The following GABRB1 variants were observed in gnomAD, a reference collection of about 807,000 sequenced individuals.
GABRB1 encodes gamma-aminobutyric acid type A receptor subunit beta1.
GABRB1 carries 17 observed loss-of-function variants against 51.6 expected under a neutral mutation model. The observed-to-expected ratio is 0.33, with a 90% CI of 0.23 to 0.49. GABRB1 has a LOEUF of 0.49. Among genes scored for constraint, GABRB1 ranks in the 20% least tolerant of loss-of-function variants. The pLI is 0.99. For missense variants in GABRB1, 410 were observed against 600.6 expected, an observed-to-expected ratio of 0.68 and a Z score of 3.32; for synonymous variants, 247 against 218.9, an observed-to-expected ratio of 1.13 and a Z score of -1.14.
chr4:47,260,527 GA>G (rs1050699984), intron 4 of GABRB1, among the ~76,000 whole-genome samples: 8 of 152,130 alleles, frequency 5.3e-5, no homozygotes, highest in African/African-American at 1.9e-4. Flanking sequence ...GCCTGGTGGT[GA>G]CAAAATCTCT....
At chr4:47,398,741 C>T (rs1012899426) in intron 5 of GABRB1, among the ~76,000 whole-genome samples, 6 of 152,020 alleles carry the variant, frequency 3.9e-5, no homozygotes, top group African/African-American at 1.5e-4. Context: ...CCCGCCACCA[C>T]GCCCGGCTAA....
At chr4:47,139,368 C>A (rs1279488619) in intron 3 of GABRB1, among the ~76,000 whole-genome samples, 2 of 152,062 alleles carry the variant, frequency 1.3e-5, no homozygotes, top group African/African-American at 2.4e-5. Flanking sequence ...TTTTAACTCA[C>A]CAGCAACTTG....
chr4:47,053,538 A>G (rs878953081), intron 3 of GABRB1, among the ~76,000 whole-genome samples: 1 of 152,216 alleles, frequency 6.6e-6, no homozygotes, highest in Non-Finnish European at 1.5e-5. Flanking sequence ...ATGCCATCAC[A>G]TTGAGGGTTA....
chr4:47,031,683 G>C lies in GABRB1; in HGVS notation c.32G>C (p.Gly11Ala). The change falls in exon 1 of 9, where the codon GGG (glycine) becomes GCG (alanine). Residue 11 changes from glycine (G) to alanine (A), a missense_variant. Transcript: ENST00000295454. ...ACAGTACAAAATCGAGAGAGTCTGG[G>C]GCTTCTCTCTTTCCCTGTGATGATT... The part of the protein sequence containing the change: MWTVQNRESL[G>A]LLSFPVMITM... 1 of 1,613,788 alleles carries C rather than the reference G, an allele frequency of 6.2e-7. No homozygotes were observed. The highest frequency in any genetic ancestry group is 8.5e-7 in the Non-Finnish European group (1 of 1,179,718).
intron 4 of GABRB1, among the ~76,000 whole-genome samples, chr4:47,312,849 C>T (rs966962880): frequency 5.3e-5 from 8 of 152,036 alleles, no homozygotes; most frequent in Non-Finnish European, 1.0e-4. Flanking sequence ...TATGTGTGCA[C>T]ACGTGTGTAT....
At chr4:47,397,012 G>A (rs1728199447) in intron 5 of GABRB1, among the ~76,000 whole-genome samples, 2 of 151,602 alleles carry the variant, frequency 1.3e-5, no homozygotes, top group African/African-American at 4.8e-5. Flanking sequence ...TGTCTTTTTT[G>A]TTGTTTGTAG....
At chr4:47,264,107 GCTC>G (rs988486675) in intron 4 of GABRB1, among the ~76,000 whole-genome samples, 3 of 151,936 alleles carry the variant, frequency 2.0e-5, no homozygotes, top group Non-Finnish European at 4.4e-5. Flanking sequence ...ACCCCACTTC[GCTC>G]CAGCCTGGGC....
At chr4:47,152,319 T>C (rs1717495753) in intron 3 of GABRB1, among the ~76,000 whole-genome samples, 1 of 152,030 alleles carries the variant, frequency 6.6e-6, no homozygotes, top group Non-Finnish European at 1.5e-5. Context: ...CATTTGATCA[T>C]TTGCTATCCA....
At chr4:47,334,879 T>C (rs371840520) in intron 5 of GABRB1, among the ~76,000 whole-genome samples, 18 of 152,208 alleles carry the variant, frequency 1.2e-4, no homozygotes, top group African/African-American at 4.1e-4. Context: ...AAGCTCTAGC[T>C]TCACATGAAT....
At chr4:47,274,604 C>G (rs1303829404) in intron 4 of GABRB1, among the ~76,000 whole-genome samples, 2 of 152,064 alleles carry the variant, frequency 1.3e-5, no homozygotes, top group Non-Finnish European at 2.9e-5. Context: ...GTCACATGAC[C>G]CCAGTACTCA....
At chr4:47,058,026 C>T (rs1248270842) in intron 3 of GABRB1, among the ~76,000 whole-genome samples, 3 of 152,150 alleles carry the variant, frequency 2.0e-5, no homozygotes, top group Non-Finnish European at 4.4e-5. Flanking sequence ...ATGCATAGCA[C>T]AGATTTTTCA....
At chr4:47,245,832 T>C (rs1361119505) in intron 4 of GABRB1, among the ~76,000 whole-genome samples, 2 of 151,530 alleles carry the variant, frequency 1.3e-5, no homozygotes, top group African/African-American at 4.8e-5. Flanking sequence ...TCTTTCTTTT[T>C]TTTTTTTTTT....
intron 3 of GABRB1, among the ~76,000 whole-genome samples, chr4:47,067,498 T>C (rs1010325636): frequency 6.6e-6 from 1 of 152,214 alleles, no homozygotes; most frequent in Non-Finnish European, 1.5e-5. Flanking sequence ...TCATCAATTA[T>C]CTTAGCTGAA....
chr4:47,399,430 T>A (rs1456458747), intron 5 of GABRB1, among the ~76,000 whole-genome samples: 1 of 152,100 alleles, frequency 6.6e-6, no homozygotes, highest in African/African-American at 2.4e-5. Flanking sequence ...TTTGTAGGGA[T>A]GAAATCAAGC....
At chr4:47,232,268 A>G (rs1350010039) in intron 4 of GABRB1, among the ~76,000 whole-genome samples, 1 of 152,150 alleles carries the variant, frequency 6.6e-6, no homozygotes, top group African/African-American at 2.4e-5. Context: ...AGTGATTCCT[A>G]ATTGCCAAAT....
At chr4:47,207,449 T>G (rs556694449) in intron 4 of GABRB1, among the ~76,000 whole-genome samples, 1 of 152,048 alleles carries the variant, frequency 6.6e-6, no homozygotes, top group African/African-American at 2.4e-5. Flanking sequence ...GAATCAGAAC[T>G]GACTTCTCCA....
intron 3 of GABRB1, among the ~76,000 whole-genome samples, chr4:47,048,678 A>G (rs1406040719): frequency 6.6e-6 from 1 of 152,138 alleles, no homozygotes; most frequent in African/African-American, 2.4e-5. Context: ...TACAAGAGTC[A>G]CCTGAGATAG....
chr4:47,287,168 C>A (rs544006045), intron 4 of GABRB1, among the ~76,000 whole-genome samples: 1 of 152,168 alleles, frequency 6.6e-6, no homozygotes, highest in Non-Finnish European at 1.5e-5. Flanking sequence ...ACATTGCATA[C>A]CCCAGAATTC....
chr4:47,010,558 T>C (rs1417341674), intron 1 of GABRB1, among the ~76,000 whole-genome samples: 1 of 152,248 alleles, frequency 6.6e-6, no homozygotes, highest in Non-Finnish European at 1.5e-5. Context: ...CTTTATTTTG[T>C]CAATGCAAAT....
Sources: gnomAD v4.1 joint callset for allele counts (sites outside exome capture counted in the v4.1 genomes callset) on GRCh38, gnomAD v4.1.1 for gene constraint, MANE v1.5 for transcripts, NCBI Gene and HGNC (gene_info 2026-07-23, HGNC 2026-07-21) for gene names.